The following GLIS1 variants were observed in gnomAD, a reference collection of about 807,000 sequenced individuals.
The protein encoded by GLIS1 is zinc finger protein GLIS1.
Under a neutral mutation model 63.8 loss-of-function variants are expected in GLIS1, and 24 were observed. The ratio of observed to expected loss-of-function variants is 0.38; its 90% CI spans 0.27 to 0.53. GLIS1 has a LOEUF of 0.53. Among genes scored for constraint, GLIS1 ranks in the 20% least tolerant of loss-of-function variants. The pLI is 0.85. For synonymous variants in GLIS1, 450 were observed against 482.5 expected (o/e 0.93, Z 0.88); for missense variants, 1,036 against 1,074.1 (o/e 0.96, Z 0.50).
intron 2 of GLIS1, among the ~76,000 whole-genome samples, chr1:53,694,889 C>T (rs1187269147): frequency 1.3e-5 from 2 of 152,108 alleles, no homozygotes; most frequent in African/African-American, 2.4e-5. Context: ...CGGCTCCGAT[C>T]GTGCCTGCAA....
intron 2 of GLIS1, among the ~76,000 whole-genome samples, chr1:53,612,091 T>TA (rs1480636800): frequency 6.6e-6 from 1 of 152,210 alleles, no homozygotes; most frequent in East Asian, 1.9e-4. Flanking sequence ...CTCAACTTCC[T>TA]AAAGTCCTGA....
intron 3 of GLIS1, among the ~76,000 whole-genome samples, chr1:53,597,997 G>C (rs1236765453): frequency 6.6e-6 from 1 of 152,150 alleles, no homozygotes; most frequent in East Asian, 1.9e-4. Context: ...CAGGGAAATT[G>C]GGTACCACTG....
At chr1:53,680,230 G>A (rs369159034) in intron 2 of GLIS1, among the ~76,000 whole-genome samples, 9 of 151,976 alleles carry the variant, frequency 5.9e-5, no homozygotes, top group Non-Finnish European at 1.3e-4. Flanking sequence ...TGTCCTTAAC[G>A]TCTTCATAAG....
intron 2 of GLIS1, among the ~76,000 whole-genome samples, chr1:53,634,234 C>G (rs968065975): frequency 1.3e-5 from 2 of 152,156 alleles, no homozygotes; most frequent in African/African-American, 4.8e-5. Context: ...ACCAGCAGAT[C>G]TGCAGTTTAG....
rs565420529 is a variant in GLIS1, at chr1:53,531,987, T to C, written c.1321-2035A>G. 3.6e-4 allele frequency among the ~76,000 whole-genome samples: 55 copies of C among 152,248 alleles called. 2 individuals are homozygous for C. The South Asian group carries it at 0.011, about 32-fold the overall frequency. ...AAGCATGAAAAAGGCACAGATTCCCTGTGAAGGCCCCTGAGTGGTTGATGT... is the reference window on the plus strand; with the variant it reads ...AAGCATGAAAAAGGCACAGATTCCCCGTGAAGGCCCCTGAGTGGTTGATGT... On this transcript the variant is annotated intron_variant, in intron 4 of 10. Coordinates refer to ENST00000628545, the MANE Select transcript of GLIS1 (RefSeq NM_001367484.1).
intron 2 of GLIS1, among the ~76,000 whole-genome samples, chr1:53,620,377 CG>C (rs1371062513): frequency 2.0e-5 from 3 of 152,198 alleles, no homozygotes; most frequent in South Asian, 4.1e-4. Flanking sequence ...AGAAAATGGG[CG>C]GGGGGGCCAC....
At chr1:53,694,044 C>T (rs959059416) in intron 2 of GLIS1, among the ~76,000 whole-genome samples, 17 of 152,206 alleles carry the variant, frequency 1.1e-4, no homozygotes, top group African/African-American at 3.9e-4. Flanking sequence ...CAGTCTACTG[C>T]CTGGTAGGGG....
intron 2 of GLIS1, among the ~76,000 whole-genome samples, chr1:53,664,939 CTG>C (rs1038515634): frequency 6.6e-6 from 1 of 151,912 alleles, no homozygotes; most frequent in Admixed American, 6.6e-5. Flanking sequence ...AAGGAGGCCT[CTG>C]TGGCAGGAGG....
At chr1:53,601,068 C>T (rs1645312717) in intron 2 of GLIS1, among the ~76,000 whole-genome samples, 1 of 152,200 alleles carries the variant, frequency 6.6e-6, no homozygotes, top group African/African-American at 2.4e-5. Flanking sequence ...CCTCCAAACT[C>T]CATTTTCTTA....
rs185637205 is a variant in GLIS1, at chr1:53,701,891, G to C, written c.259+35915C>G. 6.6e-3 allele frequency among the ~76,000 whole-genome samples: 1,006 copies of C among 151,706 alleles called. 9 individuals carry two copies. Among genetic ancestry groups the C allele is most frequent in the Middle Eastern group, 0.058 (17 of 294 alleles). On this transcript the variant is annotated intron_variant, in intron 2 of 10. Coordinates refer to ENST00000628545, the MANE Select transcript of GLIS1 (RefSeq NM_001367484.1). ...GCCTGTGGTCCCAGCTACTCTGGAG[G>C]CTGAGGCATGAGAATCACCTGAACC...
rs558580704 is a variant in GLIS1, at chr1:53,675,871, A to G, written c.259+61935T>C. ...ACCTCCCCCAACCCCCACCCCACAG[A>G]ACAGCGGCTCCTACCCCACCCCATC... On this transcript the variant is annotated intron_variant, in intron 2 of 10. Coordinates refer to ENST00000628545, the MANE Select transcript of GLIS1 (RefSeq NM_001367484.1). Among the ~76,000 whole-genome samples, 1,096 of 147,916 alleles carry G rather than the reference A, an allele frequency of 7.4e-3. 15 individuals carry two copies. The highest frequency in any genetic ancestry group is 0.026 in the African/African-American group (1,047 of 39,856).
intron 7 of GLIS1, among the ~76,000 whole-genome samples, chr1:53,517,612 G>C (rs570534161): frequency 6.6e-6 from 1 of 151,246 alleles, no homozygotes; most frequent in South Asian, 2.1e-4. Flanking sequence ...ATCTGCTCAG[G>C]ATGGGCCTGG....
intron 2 of GLIS1, among the ~76,000 whole-genome samples, chr1:53,647,849 T>C (rs1179880121): frequency 6.6e-6 from 1 of 152,080 alleles, no homozygotes; most frequent in African/African-American, 2.4e-5. Flanking sequence ...ATGAAGATCT[T>C]CTACACGAAA....
intron 4 of GLIS1, among the ~76,000 whole-genome samples, chr1:53,575,274 C>T (rs1301681261): frequency 6.6e-6 from 1 of 152,194 alleles, no homozygotes; most frequent in African/African-American, 2.4e-5. Flanking sequence ...CTCACGCCCC[C>T]CTGCTTCAAC....
intron 4 of GLIS1, among the ~76,000 whole-genome samples, chr1:53,532,180 G>C (rs1052209971): frequency 2.6e-5 from 4 of 152,166 alleles, no homozygotes; most frequent in African/African-American, 9.7e-5. Context: ...GCTCAGATAT[G>C]TGCCCTAGGA....
At chr1:53,549,809 A>G (rs984979677) in intron 4 of GLIS1, among the ~76,000 whole-genome samples, 2 of 152,194 alleles carry the variant, frequency 1.3e-5, no homozygotes, top group African/African-American at 4.8e-5. Flanking sequence ...AACTCCCACA[A>G]CGCCATGAGG....
chr1:53,641,116 C>T (rs1249506643), intron 2 of GLIS1, among the ~76,000 whole-genome samples: 1 of 152,160 alleles, frequency 6.6e-6, no homozygotes, highest in Admixed American at 6.5e-5. Flanking sequence ...CCCTGAATAT[C>T]TTGGGGGACC....
At position 53,632,372 on chromosome 1, in the gene GLIS1, GGT is replaced by G. The variant is rs541315294; in HGVS notation, c.260-32096_260-32095del. ...GATGGGTGTGTGAATGGGACTGAGG[GGT>G]GTGTGAGTGTGACTGAGGGGTGTTT... On this transcript the variant is annotated intron_variant, in intron 2 of 10. Transcript: ENST00000628545. Among the ~76,000 whole-genome samples, 526 of 147,736 alleles carry G rather than the reference GGT, an allele frequency of 3.6e-3. 5 individuals are homozygous for G. Among genetic ancestry groups the G allele is most frequent in the African/African-American group, 0.013 (512 of 39,748 alleles).
At chr1:53,528,387 C>T (rs1033456189) in intron 5 of GLIS1, among the ~76,000 whole-genome samples, 10 of 152,320 alleles carry the variant, frequency 6.6e-5, no homozygotes, top group Middle Eastern at 3.4e-3. Flanking sequence ...CCCAGGTTTG[C>T]ATCCCAGCTC....
Sources: allele counts gnomAD v4.1 joint callset (sites outside exome capture counted in the v4.1 genomes callset), GRCh38; gene constraint gnomAD v4.1.1; transcripts MANE v1.5; gene names NCBI Gene and HGNC (gene_info 2026-07-23, HGNC 2026-07-21).